KATNBL1: variants seen among roughly 807,000 people sequenced by gnomAD.
The protein encoded by KATNBL1 is katanin regulatory subunit B1 like 1.
A neutral mutation model predicts 44.7 loss-of-function variants in KATNBL1; 28 were observed. That is an observed-to-expected ratio of 0.63 (90% CI 0.46 to 0.86). The LOEUF (loss-of-function observed/expected upper bound fraction) is 0.86. Ranked by LOEUF, KATNBL1 falls within the 40% of genes least tolerant of loss-of-function variation. The probability of loss-of-function intolerance (pLI) is 0.00; values close to 1 mark genes in which losing one functional copy is unlikely to be tolerated. For missense variants in KATNBL1, 272 were observed against 350.7 expected (o/e 0.78, Z 1.79); for synonymous variants, 78 against 114.9 (o/e 0.68, Z 2.06).
intron 1 of KATNBL1, among the ~76,000 whole-genome samples, chr15:34,191,154 C>CATATATATATATATATATATATATATAT (rs57428240): frequency 2.9e-4 from 39 of 136,146 alleles, no homozygotes; most frequent in Non-Finnish European, 4.0e-4. Flanking sequence ...AATCATAGAC[C>CATATATATATATATATATATATATATAT]ATATATATAT....
chr15:34,169,272 C>T (rs555925555), intron 1 of KATNBL1, among the ~76,000 whole-genome samples: 1 of 152,108 alleles, frequency 6.6e-6, no homozygotes, highest in South Asian at 2.1e-4. Context: ...CCACTGATGC[C>T]CCAGAAATAC....
At chr15:34,148,500 G>A in intron 5 of KATNBL1, 132 bp downstream of exon 5, 1 of 566,556 alleles carries the variant, frequency 1.8e-6, no homozygotes, top group Non-Finnish European at 3.3e-6. Context: ...AGGTGGGAGG[G>A]CTGCTTGAAC....
In KATNBL1 at chr15:34,187,248, T is replaced by G. The variant is rs1236069052; in HGVS notation, c.-15+22703A>C. On this transcript the variant is annotated intron_variant, in intron 1 of 9. Coordinates refer to ENST00000256544, the MANE Select transcript of KATNBL1 (RefSeq NM_024713.3). ...TGCAGAGATATCAGAATGACTTAAC[T>G]GCAGAGAGGAGCCACTCTCTCCAGG... is the stretch of plus-strand genomic sequence containing the variant. Among the ~76,000 whole-genome samples the G allele has an allele frequency of 2.6e-5, 4 of 152,226 alleles. No homozygotes were observed. In the South Asian group the frequency reaches 6.2e-4, roughly 24 times the overall value.
chr15:34,203,657 T>C (rs928542333), intron 1 of KATNBL1, among the ~76,000 whole-genome samples: 9 of 152,222 alleles, frequency 5.9e-5, no homozygotes, highest in South Asian at 2.1e-4. Flanking sequence ...ACCATGTTCA[T>C]TGTACCTAGA....
chr15:34,186,467 A>C (rs890823716), intron 1 of KATNBL1, among the ~76,000 whole-genome samples: 1 of 152,192 alleles, frequency 6.6e-6, no homozygotes, highest in African/African-American at 2.4e-5. Context: ...TCTGCCTTCC[A>C]GGGTGCAGCT....
chr15:34,192,033 C>T (rs912078123), intron 1 of KATNBL1, among the ~76,000 whole-genome samples: 3 of 149,996 alleles, frequency 2.0e-5, no homozygotes, highest in African/African-American at 4.9e-5. Context: ...GGAGTATCAA[C>T]GAAGTAAGAT....
intron 2 of KATNBL1, among the ~76,000 whole-genome samples, chr15:34,160,621 A>G (rs999114677): frequency 1.3e-5 from 2 of 151,976 alleles, no homozygotes; most frequent in African/African-American, 4.8e-5. Context: ...TCTTTTTATT[A>G]TCATTTCTCT....
At position 34,144,339 on chromosome 15, in the gene KATNBL1, C is replaced by T. The variant is rs534749983; in HGVS notation, c.882+1059G>A. 2.1e-4 allele frequency among the ~76,000 whole-genome samples: 32 copies of T among 151,754 alleles called. No individual in the cohort carries two copies. The East Asian group carries it at 5.4e-3, about 26-fold the overall frequency. On this transcript the variant is annotated intron_variant, in intron 9 of 9. Coordinates refer to ENST00000256544, the MANE Select transcript of KATNBL1 (RefSeq NM_024713.3). ...GTTTCCCTTAGCATTGTATTTTTTTCCCCCTGAATTCTAAGAAGTTGTTTT... is the reference window on the plus strand; with the variant it reads ...GTTTCCCTTAGCATTGTATTTTTTTTCCCCTGAATTCTAAGAAGTTGTTTT...
chr15:34,172,667 A>G (rs1889200721), intron 1 of KATNBL1, among the ~76,000 whole-genome samples: 1 of 152,152 alleles, frequency 6.6e-6, no homozygotes, highest in Non-Finnish European at 1.5e-5. Context: ...CCAGGCTTAT[A>G]CACTCCAGGG....
chr15:34,185,943 C>A (rs756126554), intron 1 of KATNBL1, among the ~76,000 whole-genome samples: 2 of 152,046 alleles, frequency 1.3e-5, no homozygotes, highest in Non-Finnish European at 2.9e-5. Flanking sequence ...GTCTGAGAGT[C>A]CTGCTGGTTG....
At chr15:34,157,309 C>T (rs1205453104) in intron 2 of KATNBL1, among the ~76,000 whole-genome samples, 1 of 152,144 alleles carries the variant, frequency 6.6e-6, no homozygotes, top group African/African-American at 2.4e-5. Flanking sequence ...AGGTGGTGCT[C>T]TTTTGACCTG....
At chr15:34,149,258 G>T (rs978297545) in intron 4 of KATNBL1, among the ~76,000 whole-genome samples, 10 of 152,192 alleles carry the variant, frequency 6.6e-5, no homozygotes, top group Non-Finnish European at 1.5e-4. Context: ...ATATCACTCC[G>T]CAGAAATAAT....
rs757292160 is a variant in KATNBL1 at position 34,147,429 on chromosome 15, T to C, written c.559A>G (p.Ile187Val). 30 of 1,611,386 alleles carry C rather than the reference T, an allele frequency of 1.9e-5. No homozygotes were observed. In the South Asian group the frequency reaches 3.0e-4, roughly 16 times the overall value. Residue 187 changes from isoleucine (I) to valine (V), a missense_variant and splice_region_variant, in exon 6 of 10, where the codon ATA becomes GTA. This residue lies in a region of KATNBL1 where 111 missense variants were observed against 149.3 expected (regional missense o/e 0.74). Transcript: ENST00000256544. ...ISELVAYLLRIEDLGVVVDCL... is the reference protein window; with the variant it reads ...ISELVAYLLRVEDLGVVVDCL... ...TCTACCACAACGCCAAGATCTTCTA[T>C]CCTGAGAGTATAAAAAGAATAGCAT...
chr15:34,170,092 A>G (rs1448472005), intron 1 of KATNBL1, among the ~76,000 whole-genome samples: 1 of 152,210 alleles, frequency 6.6e-6, no homozygotes, highest in East Asian at 1.9e-4. Context: ...TGGCCAGGGC[A>G]ATCAGGCAAG....
At chr15:34,198,511 C>G (rs972209502) in intron 1 of KATNBL1, among the ~76,000 whole-genome samples, 2 of 152,234 alleles carry the variant, frequency 1.3e-5, no homozygotes, top group Non-Finnish European at 2.9e-5. Context: ...CAGAAAGTAA[C>G]AGCTTCTAGT....
At chr15:34,193,314 A>G (rs1003065705) in intron 1 of KATNBL1, among the ~76,000 whole-genome samples, 4 of 151,706 alleles carry the variant, frequency 2.6e-5, no homozygotes, top group Non-Finnish European at 5.9e-5. Context: ...CAGGCATATC[A>G]CTTGAGGCCA....
intron 4 of KATNBL1, among the ~76,000 whole-genome samples, chr15:34,150,561 C>T (rs1419474361): frequency 6.6e-6 from 1 of 152,064 alleles, no homozygotes; most frequent in East Asian, 1.9e-4. Context: ...ACCACTGCAC[C>T]CCAGCCTGGG....
intron 9 of KATNBL1, among the ~76,000 whole-genome samples, chr15:34,144,692 T>TC (rs2140895189): frequency 6.6e-6 from 1 of 152,096 alleles, no homozygotes; most frequent in South Asian, 2.1e-4. Context: ...TGCCTCAGCC[T>TC]CCCGAGTAGC....
intron 4 of KATNBL1, among the ~76,000 whole-genome samples, chr15:34,151,435 A>ATTTTTTTTTTTTTTTTTTTTT (rs1491367010): frequency 4.7e-5 from 3 of 63,826 alleles, no homozygotes; most frequent in Non-Finnish European, 3.2e-5. Flanking sequence ...TCCTTTGCCT[A>ATTTTTTTTTTTTTTTTTTTTT]CTTTTTTTTT....
Sources: gnomAD v4.1 joint callset for allele counts (sites outside exome capture counted in the v4.1 genomes callset) on GRCh38, gnomAD v4.1.1 for gene constraint, gnomAD v4.1.1 regional missense constraint, MANE v1.5 for transcripts, NCBI Gene and HGNC (gene_info 2026-07-23, HGNC 2026-07-21) for gene names.